ATP6V1G3: variants seen among roughly 807,000 people sequenced by gnomAD.
ATP6V1G3 encodes ATPase H+ transporting V1 subunit G3, also known as V-type proton ATPase subunit G 3.
In ATP6V1G3, 9 loss-of-function variants were observed where a neutral mutation model predicts 9.3. The observed-to-expected ratio is 0.97, with a 90% CI of 0.59 to 1.69. The LOEUF (loss-of-function observed/expected upper bound fraction) is 1.69, where lower values mean the gene tolerates loss of function less well. Ranked by LOEUF, ATP6V1G3 falls within the 40% of genes most tolerant of loss-of-function variation. ATP6V1G3 has a pLI of 0.00. For synonymous variants in ATP6V1G3, 43 were observed against 43.8 expected, an observed-to-expected ratio of 0.98 and a Z score of 0.07; for missense variants, 133 against 139.0, an observed-to-expected ratio of 0.96 and a Z score of 0.22.
chr1:198,531,211 T>A (rs1659885708), intron 1 of ATP6V1G3, among the ~76,000 whole-genome samples: 1 of 152,132 alleles, frequency 6.6e-6, no homozygotes, highest in Admixed American at 6.6e-5. Flanking sequence ...GCAATTTTCT[T>A]GATAGACTCA....
At chr1:198,528,893 A>T (rs1413941119) in intron 2 of ATP6V1G3, among the ~76,000 whole-genome samples, 188 bp downstream of exon 2, 10 of 151,572 alleles carry the variant, frequency 6.6e-5, no homozygotes, top group Non-Finnish European at 1.5e-4. Flanking sequence ...GAAATTAAAA[A>T]TGCCTTGAAA....
intron 2 of ATP6V1G3, among the ~76,000 whole-genome samples, chr1:198,524,059 C>T (rs1345691170): frequency 6.6e-6 from 1 of 151,210 alleles, no homozygotes; most frequent in Non-Finnish European, 1.5e-5. Context: ...ATTATCTGAA[C>T]TGTATCTTGC....
chr1:198,537,821 T>A (rs149656950), intron 1 of ATP6V1G3, among the ~76,000 whole-genome samples: 95 of 152,266 alleles, frequency 6.2e-4, no homozygotes, highest in African/African-American at 2.3e-3. Context: ...AGATACCCAA[T>A]AAACACTTAT....
intron 1 of ATP6V1G3, among the ~76,000 whole-genome samples, chr1:198,539,846 G>A (rs75680376): frequency 0.019 from 2,860 of 152,234 alleles, 34 homozygotes; most frequent in Non-Finnish European, 0.032. Context: ...TATTCATTTG[G>A]CTGTTGTATC....
intron 1 of ATP6V1G3, among the ~76,000 whole-genome samples, chr1:198,539,917 GCATGAC>G (rs1359664310): frequency 1.3e-5 from 2 of 152,136 alleles, no homozygotes; most frequent in African/African-American, 2.4e-5. Flanking sequence ...GTACATGAAT[GCATGAC>G]CAAATGAAAA....
At chr1:198,526,696 G>A (rs140314862) in intron 2 of ATP6V1G3, among the ~76,000 whole-genome samples, 221 of 152,146 alleles carry the variant, frequency 1.5e-3, no homozygotes, top group African/African-American at 4.9e-3. Flanking sequence ...TCCCATCACC[G>A]CAAGAAAAAC....
intron 1 of ATP6V1G3, among the ~76,000 whole-genome samples, chr1:198,531,981 A>G (rs917400731): frequency 1.3e-5 from 2 of 152,114 alleles, no homozygotes; most frequent in African/African-American, 4.8e-5. Context: ...GGAGAAAAAA[A>G]AAGGCAAGGG....
At chr1:198,524,261 A>T (rs1466518122) in intron 2 of ATP6V1G3, among the ~76,000 whole-genome samples, 1 of 151,798 alleles carries the variant, frequency 6.6e-6, no homozygotes, top group Non-Finnish European at 1.5e-5. Context: ...AGTAGCTGGG[A>T]CTACAGGCGT....
At chr1:198,526,332 G>A (rs1188228066) in intron 2 of ATP6V1G3, among the ~76,000 whole-genome samples, 2 of 152,086 alleles carry the variant, frequency 1.3e-5, no homozygotes, top group Non-Finnish European at 2.9e-5. Flanking sequence ...ACACTGTCTG[G>A]CACTTAGTAG....
At chr1:198,526,948 A>G (rs1231523720) in intron 2 of ATP6V1G3, among the ~76,000 whole-genome samples, 1 of 152,188 alleles carries the variant, frequency 6.6e-6, no homozygotes, top group African/African-American at 2.4e-5. Flanking sequence ...GGGTAGCACT[A>G]AGGAAGGGAT....
At chr1:198,528,264 C>G (rs1303978983) in intron 2 of ATP6V1G3, among the ~76,000 whole-genome samples, 1 of 151,972 alleles carries the variant, frequency 6.6e-6, no homozygotes, top group Non-Finnish European at 1.5e-5. Context: ...TTTATCTGAT[C>G]CTACATGAAC....
chr1:198,533,940 T>C (rs903148037), intron 1 of ATP6V1G3, among the ~76,000 whole-genome samples: 15 of 152,184 alleles, frequency 9.9e-5, no homozygotes, highest in Non-Finnish European at 8.8e-5. Flanking sequence ...AGAGGAACTA[T>C]TGGTGGAGTT....
In ATP6V1G3 at chr1:198,529,094, A is replaced by G. The variant is rs771076797; in HGVS notation, c.170T>C (p.Leu57Pro). Residue 57 changes from leucine (L) to proline (P), a missense_variant, in exon 2 of 3, where the codon CTA becomes CCA. Physicochemically the swap from Leu to Pro is moderately conservative, Grantham distance 98. Transcript: ENST00000367382. ...TTTCTTACTCACCTTAGATTGTTTT[A>G]GTCGAAACTCTTTATCTCTCTGCAT... ...YRMQRDKEFR[L>P]KQSKIMGSQN... The G allele has an allele frequency of 6.6e-7, 1 of 1,522,694 alleles. No individual in the cohort carries two copies. Among genetic ancestry groups the G allele is most frequent in the South Asian group, 1.2e-5 (1 of 84,326 alleles). The allele number at this position is 1,522,694 out of a possible 1,614,324, so 94.3% of individuals were successfully genotyped here.
chr1:198,526,417 T>G (rs903834297), intron 2 of ATP6V1G3, among the ~76,000 whole-genome samples: 1 of 152,218 alleles, frequency 6.6e-6, no homozygotes, highest in Non-Finnish European at 1.5e-5. Context: ...TACTGTGTTC[T>G]GTTGCTCATG....
chr1:198,527,060 C>T (rs1406298398), intron 2 of ATP6V1G3, among the ~76,000 whole-genome samples: 1 of 152,126 alleles, frequency 6.6e-6, no homozygotes, highest in Non-Finnish European at 1.5e-5. Context: ...CATATATTAA[C>T]AAGAGCTAAA....
At chr1:198,539,092 C>CTTTCTTCT (rs1163328310) in intron 1 of ATP6V1G3, among the ~76,000 whole-genome samples, 1 of 152,142 alleles carries the variant, frequency 6.6e-6, no homozygotes, top group East Asian at 1.9e-4. Flanking sequence ...CCTTCACTAT[C>CTTTCTTCT]TTTCTTCTTC....
At chr1:198,531,568 G>T (rs1187238576) in intron 1 of ATP6V1G3, among the ~76,000 whole-genome samples, 3 of 152,112 alleles carry the variant, frequency 2.0e-5, no homozygotes, top group Non-Finnish European at 2.9e-5. Flanking sequence ...GCTTGAAGAT[G>T]GACTCTTCCT....
intron 1 of ATP6V1G3, among the ~76,000 whole-genome samples, chr1:198,537,121 TCTTGAGAGCAGAGA>T (rs1184053846): frequency 6.6e-6 from 1 of 152,130 alleles, no homozygotes; most frequent in Non-Finnish European, 1.5e-5. Context: ...CTGGTGGATG[TCTTGAGAGCAGAGA>T]CTTGCATATT....
chr1:198,540,614 G>A lies in ATP6V1G3; in HGVS notation c.37C>T (p.Gln13Ter). The part of the protein sequence containing the change: ...SQSQGIHQLL[Q>*]AEKRAKDKLE... ...TTGTCCTTGGCCCGTTTTTCTGCCT[G>A]AAGAAGCTGGTGGATCCCCTGAGAC... Residue 13 changes from glutamine to a stop codon, truncating the protein, a stop_gained, in exon 1 of 3, where the codon CAG (glutamine) becomes TAG (stop). Coordinates refer to ENST00000367382, the MANE Select transcript of ATP6V1G3 (RefSeq NM_001376861.1). LOFTEE classifies it high-confidence loss of function. 1 of 1,614,098 alleles carries A rather than the reference G, an allele frequency of 6.2e-7. No homozygotes were observed. Among genetic ancestry groups the A allele is most frequent in the Non-Finnish European group, 8.5e-7 (1 of 1,179,964 alleles).
Sources: allele counts gnomAD v4.1 joint callset (sites outside exome capture counted in the v4.1 genomes callset), GRCh38; gene constraint gnomAD v4.1.1; transcripts MANE v1.5; gene names NCBI Gene and HGNC (gene_info 2026-07-23, HGNC 2026-07-21).